CTNNA3: variants seen among roughly 807,000 people sequenced by gnomAD.
The protein encoded by CTNNA3 is catenin alpha 3.
A neutral mutation model predicts 95.7 loss-of-function variants in CTNNA3; 76 were observed. The observed-to-expected ratio is 0.79, with a 90% CI of 0.66 to 0.96. The LOEUF (loss-of-function observed/expected upper bound fraction) is 0.96, where lower values mean the gene tolerates loss of function less well. CTNNA3 is among the 40% of genes least tolerant of loss of function. CTNNA3 has a pLI of 0.00. For synonymous variants in CTNNA3, 431 were observed against 374.4 expected (o/e 1.15, Z -1.74); for missense variants, 1,191 against 1,089.8 (o/e 1.09, Z -1.31).
intron 7 of CTNNA3, among the ~76,000 whole-genome samples, chr10:66,854,517 A>C (rs2132391051): frequency 6.6e-6 from 1 of 152,052 alleles, no homozygotes; most frequent in Middle Eastern, 3.4e-3. Flanking sequence ...AGTGCACCTA[A>C]GAGAGGTGCA....
intron 11 of CTNNA3, among the ~76,000 whole-genome samples, chr10:66,497,178 G>A (rs1840127419): frequency 1.3e-5 from 2 of 152,032 alleles, no homozygotes. Context: ...ACATAATTCA[G>A]CACATAATAA....
intron 7 of CTNNA3, among the ~76,000 whole-genome samples, chr10:66,892,563 AATG>A (rs1845315021): frequency 1.3e-5 from 2 of 152,106 alleles, no homozygotes; most frequent in African/African-American, 4.8e-5. Context: ...AGAATTCAAC[AATG>A]ATATTTTTCC....
chr10:67,746,939 G>A (rs1422162005), intron 1 of CTNNA3, among the ~76,000 whole-genome samples: 1 of 152,220 alleles, frequency 6.6e-6, no homozygotes, highest in African/African-American at 2.4e-5. Flanking sequence ...TTTTTCCCCT[G>A]CTGGTGCTGG....
intron 7 of CTNNA3, among the ~76,000 whole-genome samples, chr10:67,039,617 G>A (rs981762473): frequency 2.0e-5 from 3 of 152,030 alleles, no homozygotes; most frequent in Non-Finnish European, 4.4e-5. Flanking sequence ...ATATCTAGAG[G>A]TTAGAGGTGA....
At chr10:65,966,107 T>C (rs1010718668) in intron 17 of CTNNA3, among the ~76,000 whole-genome samples, 3 of 152,170 alleles carry the variant, frequency 2.0e-5, no homozygotes, top group Non-Finnish European at 4.4e-5. Flanking sequence ...TGAAAATTCC[T>C]CTAAATCTAT....
intron 10 of CTNNA3, among the ~76,000 whole-genome samples, chr10:66,583,736 T>A (rs1843271175): frequency 6.6e-6 from 1 of 151,860 alleles, no homozygotes; most frequent in Admixed American, 6.6e-5. Context: ...GTATGTTTTT[T>A]TCTTATTTCT....
At chr10:67,377,142 T>C (rs537440445) in intron 5 of CTNNA3, among the ~76,000 whole-genome samples, 4 of 152,326 alleles carry the variant, frequency 2.6e-5, no homozygotes, top group Admixed American at 1.3e-4. Flanking sequence ...ACAGTAACAA[T>C]GTAGACCCTG....
intron 13 of CTNNA3, among the ~76,000 whole-genome samples, chr10:66,232,611 T>A (rs2089642155): frequency 6.6e-6 from 1 of 152,070 alleles, no homozygotes. Flanking sequence ...ATGACCAAGT[T>A]AATACTGAAT....
At chr10:66,865,213 C>CGTGTGTGTGTGTGT (rs3055786) in intron 7 of CTNNA3, among the ~76,000 whole-genome samples, 5 of 143,826 alleles carry the variant, frequency 3.5e-5, no homozygotes, top group African/African-American at 1.3e-4. Context: ...TGTGTGTGTG[C>CGTGTGTGTGTGTGT]GTGTGTGTGT....
intron 7 of CTNNA3, among the ~76,000 whole-genome samples, chr10:66,822,101 T>C (rs569460643): frequency 1.8e-5 from 2 of 108,750 alleles, no homozygotes; most frequent in South Asian, 6.2e-4. Flanking sequence ...ATATGTAAAA[T>C]TTATGCATAA....
At chr10:65,927,149 G>A (rs916802884) in intron 17 of CTNNA3, among the ~76,000 whole-genome samples, 1 of 151,996 alleles carries the variant, frequency 6.6e-6, no homozygotes, top group Non-Finnish European at 1.5e-5. Context: ...CAGGGAGAAT[G>A]ATTTCAATAT....
intron 16 of CTNNA3, among the ~76,000 whole-genome samples, chr10:65,979,654 G>GC (rs2078279265): frequency 6.6e-6 from 1 of 151,762 alleles, no homozygotes; most frequent in African/African-American, 2.4e-5. Flanking sequence ...TTTATTTTTT[G>GC]GTTACATAGT....
intron 11 of CTNNA3, among the ~76,000 whole-genome samples, chr10:66,517,673 A>ACTTCAT (rs1295770399): frequency 1.3e-5 from 2 of 152,138 alleles, no homozygotes; most frequent in Non-Finnish European, 1.5e-5. Flanking sequence ...TCTGTTAATG[A>ACTTCAT]AGTACCCATT....
chr10:66,421,510 A>T (rs2093192787), intron 11 of CTNNA3, among the ~76,000 whole-genome samples: 2 of 152,080 alleles, frequency 1.3e-5, no homozygotes, highest in South Asian at 4.2e-4. Flanking sequence ...AAAATATCAC[A>T]TGTACCCCAT....
intron 7 of CTNNA3, among the ~76,000 whole-genome samples, chr10:66,871,205 C>T (rs1844389765): frequency 6.6e-6 from 1 of 152,100 alleles, no homozygotes; most frequent in Admixed American, 6.5e-5. Flanking sequence ...CATATAAACA[C>T]CAGGAGAGCA....
chr10:66,923,044 G>A (rs1307324273), intron 7 of CTNNA3, among the ~76,000 whole-genome samples: 1 of 152,046 alleles, frequency 6.6e-6, no homozygotes, highest in African/African-American at 2.4e-5. Context: ...CCAATACTAG[G>A]TCTTATTTAC....
chr10:67,185,291 C>T (rs1862782207), intron 6 of CTNNA3, among the ~76,000 whole-genome samples: 1 of 152,076 alleles, frequency 6.6e-6, no homozygotes, highest in African/African-American at 2.4e-5. Flanking sequence ...CCACATCCAG[C>T]TAATTTTTAT....
At chr10:66,017,114 C>T (rs1044518722) in intron 15 of CTNNA3, among the ~76,000 whole-genome samples, 6 of 151,982 alleles carry the variant, frequency 3.9e-5, no homozygotes, top group African/African-American at 1.4e-4. Flanking sequence ...CAACATGTGT[C>T]GATTTAGACC....
intron 9 of CTNNA3, among the ~76,000 whole-genome samples, chr10:66,663,435 C>CA (rs1338820775): frequency 7.0e-6 from 1 of 142,004 alleles, no homozygotes; most frequent in Admixed American, 7.3e-5. Flanking sequence ...TACTTCTATG[C>CA]AAAAATGTCC....
Sources: allele counts gnomAD v4.1 joint callset (sites outside exome capture counted in the v4.1 genomes callset), GRCh38; gene constraint gnomAD v4.1.1; transcripts MANE v1.5; gene names NCBI Gene and HGNC (gene_info 2026-07-23, HGNC 2026-07-21).